C11orf65: variants seen among roughly 807,000 people sequenced by gnomAD.
C11orf65 encodes protein MFI.
In C11orf65, 38 loss-of-function variants were observed where a neutral mutation model predicts 35.3. That is an observed-to-expected ratio of 1.08 (90% CI 0.83 to 1.41). The LOEUF is 1.41. C11orf65 is among the 40% of genes most tolerant of loss of function. The pLI is 0.00. For missense variants in C11orf65, 370 were observed against 367.1 expected (o/e 1.01, Z -0.06); for synonymous variants, 105 against 114.4 (o/e 0.92, Z 0.53).
chr11:108,451,102 C>G (rs1591594968), intron 2 of C11orf65, among the ~76,000 whole-genome samples: 1 of 151,908 alleles, frequency 6.6e-6, no homozygotes, highest in Non-Finnish European at 1.5e-5. Flanking sequence ...TGGCACAAGA[C>G]AGGGATGCCC....
intron 6 of C11orf65, among the ~76,000 whole-genome samples, chr11:108,318,497 C>T (rs940727361): frequency 2.0e-5 from 3 of 152,026 alleles, no homozygotes; most frequent in East Asian, 3.9e-4. Context: ...TGAGACCAGC[C>T]GGGCCAACAT....
At chr11:108,445,694 A>T (rs2093243485) in intron 2 of C11orf65, among the ~76,000 whole-genome samples, 1 of 152,186 alleles carries the variant, frequency 6.6e-6, no homozygotes, top group African/African-American at 2.4e-5. Context: ...GAAAAACTGG[A>T]AACTCTAAAA....
At chr11:108,324,306 G>A (rs774348670) in intron 6 of C11orf65, among the ~76,000 whole-genome samples, 8 of 151,980 alleles carry the variant, frequency 5.3e-5, no homozygotes, top group Non-Finnish European at 1.0e-4. Flanking sequence ...AAGGTGTCTT[G>A]GAACCAATTT....
intron 7 of C11orf65, 113 bp downstream of exon 7, chr11:108,393,095 T>C (rs2092205370): frequency 8.3e-7 from 1 of 1,206,468 alleles, no homozygotes; most frequent in Admixed American, 2.3e-5. Context: ...ACTCGGGTTT[T>C]TTTTTTCTTT....
chr11:108,398,883 C>T (rs2092378114), intron 6 of C11orf65, among the ~76,000 whole-genome samples: 3 of 152,180 alleles, frequency 2.0e-5, no homozygotes, highest in Non-Finnish European at 4.4e-5. Context: ...AATTAATATC[C>T]AGAATATTTG....
chr11:108,446,234 C>T (rs575654286), intron 2 of C11orf65, among the ~76,000 whole-genome samples: 1 of 151,616 alleles, frequency 6.6e-6, no homozygotes, highest in Non-Finnish European at 1.5e-5. Flanking sequence ...GAGAACTTCC[C>T]CAATCTAGCA....
chr11:108,442,083 G>T (rs932215201), intron 2 of C11orf65, among the ~76,000 whole-genome samples: 1 of 152,102 alleles, frequency 6.6e-6, no homozygotes, highest in African/African-American at 2.4e-5. Context: ...CTTGAAAAAA[G>T]ATGAGATGAA....
At chr11:108,313,205 T>C (rs934729050) in intron 6 of C11orf65, among the ~76,000 whole-genome samples, 4 of 152,230 alleles carry the variant, frequency 2.6e-5, no homozygotes, top group Non-Finnish European at 5.9e-5. Flanking sequence ...ATCTGCTCTT[T>C]CTCAGGTGCT....
At chr11:108,450,162 G>A (rs2093326683) in intron 2 of C11orf65, among the ~76,000 whole-genome samples, 1 of 151,932 alleles carries the variant, frequency 6.6e-6, no homozygotes, top group African/African-American at 2.4e-5. Context: ...TGGAGAAACA[G>A]GAACACTTTT....
At chr11:108,465,739 C>G (rs1217418355) in intron 1 of C11orf65, among the ~76,000 whole-genome samples, 1 of 151,612 alleles carries the variant, frequency 6.6e-6, no homozygotes, top group Non-Finnish European at 1.5e-5. Context: ...AATCCCAGCA[C>G]TTTGGGAGGC....
chr11:108,400,428 C>A (rs1348144272), intron 6 of C11orf65, among the ~76,000 whole-genome samples: 1 of 152,112 alleles, frequency 6.6e-6, no homozygotes, highest in African/African-American at 2.4e-5. Context: ...ATGTAATGGA[C>A]AGGCATAATG....
chr11:108,411,155 A>G (rs1253387392), intron 3 of C11orf65, among the ~76,000 whole-genome samples: 1 of 152,172 alleles, frequency 6.6e-6, no homozygotes, highest in East Asian at 1.9e-4. Context: ...CTTTAGATAC[A>G]TTCCACATGT....
chr11:108,330,303 C>T (rs1324075885), downstream of C11orf65: 1 of 1,614,170 alleles, frequency 6.2e-7, no homozygotes, highest in Non-Finnish European at 8.5e-7. Context: ...TTATGTAAAG[C>T]AGTTGAAAAT....
chr11:108,359,812 T>A (rs2090485972), intron 2 of C11orf65, among the ~76,000 whole-genome samples: 1 of 151,320 alleles, frequency 6.6e-6, no homozygotes, highest in African/African-American at 2.4e-5. Flanking sequence ...TAGAGGGAAA[T>A]TTATAGCACT....
intron 2 of C11orf65, among the ~76,000 whole-genome samples, chr11:108,370,821 G>A (rs975735002): frequency 1.3e-5 from 2 of 152,000 alleles, no homozygotes. Context: ...TATACTCCTA[G>A]TATAACCTCA....
chr11:108,402,731 T>TCC (rs4027557), intron 6 of C11orf65, among the ~76,000 whole-genome samples: 74,657 of 151,782 alleles, frequency 0.49, 19,929 homozygotes, highest in Middle Eastern at 0.72. Context: ...TCCTTTGGAA[T>TCC]CCCTCTCTTT....
intron 2 of C11orf65, among the ~76,000 whole-genome samples, chr11:108,436,850 C>T (rs1003872400): frequency 6.6e-6 from 1 of 152,034 alleles, no homozygotes. Flanking sequence ...ATCCCAATAA[C>T]ATGCCAGTCC....
chr11:108,468,142 G>T (rs1056726054), upstream of C11orf65, among the ~76,000 whole-genome samples: 1 of 152,092 alleles, frequency 6.6e-6, no homozygotes, highest in Non-Finnish European at 1.5e-5. Context: ...CACCGCGCCC[G>T]GCCTATTTAA....
At chr11:108,416,732 G>T (rs1343666344) in intron 3 of C11orf65, among the ~76,000 whole-genome samples, 1 of 151,986 alleles carries the variant, frequency 6.6e-6, no homozygotes, top group African/African-American at 2.4e-5. Context: ...CTTTTAGAAT[G>T]ACCAAATTCA....
Sources: gnomAD v4.1 joint callset for allele counts (sites outside exome capture counted in the v4.1 genomes callset) on GRCh38, gnomAD v4.1.1 for gene constraint, MANE v1.5 for transcripts, NCBI Gene and HGNC (gene_info 2026-07-23, HGNC 2026-07-21) for gene names.